The following EDA2R variants were observed in gnomAD, a reference collection of about 807,000 sequenced individuals.
The protein encoded by EDA2R is ectodysplasin A2 receptor.
Under a neutral mutation model 20.1 loss-of-function variants are expected in EDA2R, and 26 were observed. That is an observed-to-expected ratio of 1.30 (90% CI 0.95 to 1.80). The LOEUF (loss-of-function observed/expected upper bound fraction) is 1.80, where lower values mean the gene tolerates loss of function less well. Ranked by LOEUF, EDA2R falls within the 40% of genes most tolerant of loss-of-function variation. The pLI, the probability that EDA2R is intolerant of heterozygous loss-of-function variation, is 0.00. For synonymous variants in EDA2R, 114 were observed against 88.7 expected, an observed-to-expected ratio of 1.29 and a Z score of -1.60; for missense variants, 277 against 228.7, an observed-to-expected ratio of 1.21 and a Z score of -1.36.
At chrX:66,610,806 G>A (rs1267686411) in intron 2 of EDA2R, among the ~76,000 whole-genome samples, 1 of 111,308 alleles carries the variant, frequency 9.0e-6, no homozygotes, top group Non-Finnish European at 1.9e-5. Context: ...GTTGGCCTGA[G>A]AAGCCTCTTC....
chrX:66,627,556 A>G (rs769995813), intron 1 of EDA2R, among the ~76,000 whole-genome samples: 7 of 112,619 alleles, frequency 6.2e-5, no homozygotes, highest in Admixed American at 1.9e-4. Flanking sequence ...ATCATCATAC[A>G]AGTCCTTGTC....
chrX:66,628,328 A>T (rs1054579781), intron 1 of EDA2R, among the ~76,000 whole-genome samples: 16 of 110,858 alleles, frequency 1.4e-4, no homozygotes, highest in African/African-American at 5.3e-4. Context: ...GAAATAACCA[A>T]GATCAGAGCA....
chrX:66,598,464 T>C (rs1054122424), intron 6 of EDA2R, among the ~76,000 whole-genome samples: 1 of 111,464 alleles, frequency 9.0e-6, no homozygotes, highest in East Asian at 2.8e-4. Flanking sequence ...CTTTCTTACA[T>C]TGAGCTCAAA....
intron 2 of EDA2R, among the ~76,000 whole-genome samples, chrX:66,606,012 T>C (rs922791032): frequency 8.9e-6 from 1 of 111,740 alleles, no homozygotes; most frequent in Admixed American, 9.5e-5. Context: ...GTACTAACTT[T>C]GGCCATATTC....
At chrX:66,601,844 T>A (rs781774478) in intron 5 of EDA2R, among the ~76,000 whole-genome samples, 1 of 111,608 alleles carries the variant, frequency 9.0e-6, no homozygotes, top group East Asian at 2.8e-4. Flanking sequence ...CTCCCCCATC[T>A]TTGTCCTCAG....
At chrX:66,599,188 T>C (rs185775333) in intron 6 of EDA2R, among the ~76,000 whole-genome samples, 148 of 111,639 alleles carry the variant, frequency 1.3e-3, no homozygotes, top group African/African-American at 4.6e-3. Flanking sequence ...AATATGACCA[T>C]TAGATAGTGG....
chrX:66,599,527 T>C lies in EDA2R; in HGVS notation c.851A>G (p.Asp284Gly). 8.5e-7 allele frequency: 1 copy of C among 1,179,549 alleles called. No homozygotes were observed. The highest frequency in any genetic ancestry group is 1.1e-6 in the Non-Finnish European group (1 of 876,547). Reference sequence around the variant, plus strand: ...AAAGGGCACATTGAGCTCCAGCCTGTCTCCAGTGCTTTCGACTGTGTTTCC... The same window carrying C: ...AAAGGGCACATTGAGCTCCAGCCTGCCTCCAGTGCTTTCGACTGTGTTTCC... ...LGGNTVESTG[D>G]RLELNVPFEV... is the part of the protein sequence containing the mutation. Residue 284 changes from aspartate to glycine, a missense_variant, in exon 6 of 7, where the codon GAC becomes GGC. Asp to Gly is a moderately conservative substitution (Grantham distance 94). Transcript: ENST00000374719.
chrX:66,607,607 C>T (rs988111576), intron 2 of EDA2R, among the ~76,000 whole-genome samples: 3 of 110,524 alleles, frequency 2.7e-5, no homozygotes, highest in African/African-American at 9.9e-5. Context: ...GAGCAATACC[C>T]AGTCCCAAAC....
At chrX:66,604,817 C>CA (rs1017934585) in intron 3 of EDA2R, among the ~76,000 whole-genome samples, 9 of 112,083 alleles carry the variant, frequency 8.0e-5, no homozygotes, top group African/African-American at 2.9e-4. Context: ...CTTTGGTCTT[C>CA]AGCTGAGAGT....
chrX:66,620,516 C>T (rs1259325647), intron 1 of EDA2R, among the ~76,000 whole-genome samples: 1 of 111,310 alleles, frequency 9.0e-6, no homozygotes, highest in African/African-American at 3.3e-5. Context: ...TACAAGAAAA[C>T]ATAATAATTC....
In EDA2R at chrX:66,624,289, T is replaced by G. The variant is rs1403702169; in HGVS notation, c.-10-8259A>C. 4.5e-5 allele frequency among the ~76,000 whole-genome samples: 5 copies of G among 111,524 alleles called. No homozygotes were observed. The Admixed American group carries it at 4.7e-4, about 11-fold the overall frequency. Reference sequence around the variant, plus strand: ...ATACCGGCCCTTTCAGAGGCCTAGATGGGTAGATCACATGAGGTCAGGAGT... The same window carrying G: ...ATACCGGCCCTTTCAGAGGCCTAGAGGGGTAGATCACATGAGGTCAGGAGT... On this transcript the variant is annotated intron_variant, in intron 1 of 6. Coordinates refer to ENST00000374719, the MANE Select transcript of EDA2R (RefSeq NM_021783.5).
At chrX:66,606,929 C>A (rs1929791348) in intron 2 of EDA2R, among the ~76,000 whole-genome samples, 1 of 112,468 alleles carries the variant, frequency 8.9e-6, no homozygotes, top group Non-Finnish European at 1.9e-5. Context: ...AAGTGATGGG[C>A]ACTGTTTCAA....
chrX:66,634,995 G>C (rs1370192420), intron 1 of EDA2R, among the ~76,000 whole-genome samples: 3 of 112,051 alleles, frequency 2.7e-5, no homozygotes, highest in Non-Finnish European at 5.6e-5. Flanking sequence ...ACATCTCAGT[G>C]TCTGATTCCA....
rs769082256 is a variant in EDA2R, at chrX:66,602,777, C to T, written c.373G>A (p.Val125Met). 1 of 1,189,821 alleles carries T rather than the reference C, an allele frequency of 8.4e-7. No individual in the cohort carries two copies. The highest frequency in any genetic ancestry group is 2.3e-5 in the Admixed American group (1 of 42,991). ...GGCACTGTGGGTGTATCTGCCTCCA[C>T]TAAGCTCAACTGGAAGGCACCTGTG... ...EVQCAFQLSLVEADTPTVPPQ... is the reference protein window; with the variant it reads ...EVQCAFQLSLMEADTPTVPPQ... The change falls in exon 5 of 7, where the codon GTG becomes ATG. Residue 125 changes from valine (V) to methionine (M), a missense_variant. Physicochemically the swap from Val to Met is conservative, Grantham distance 21. Transcript: ENST00000374719.
chrX:66,623,460 T>G (rs1277723850), intron 1 of EDA2R, among the ~76,000 whole-genome samples: 2 of 111,849 alleles, frequency 1.8e-5, no homozygotes, highest in Non-Finnish European at 3.8e-5. Flanking sequence ...TACACAGTTT[T>G]GGATATAACT....
At chrX:66,604,376 C>A in intron 4 of EDA2R, 45 bp downstream of exon 4, 2 of 1,154,240 alleles carry the variant, frequency 1.7e-6, no homozygotes, top group Non-Finnish European at 2.3e-6. Context: ...CTTGCTGCCA[C>A]CCAATGGGAT....
At chrX:66,600,111 C>G (rs987611410) in intron 5 of EDA2R, 1 of 1,134,210 alleles carries the variant, frequency 8.8e-7, no homozygotes, top group Non-Finnish European at 1.2e-6. Flanking sequence ...GAAAAAGAAA[C>G]CTTTGTGGGA....
In EDA2R at chrX:66,628,559, A is replaced by G. The variant is rs1182228539; in HGVS notation, c.-11+10436T>C. Reference sequence around the variant, plus strand: ...AAGGTCATTTCAGGCTACTATGAACATCATTACACACATAAAGTAGAAAAC... The same window carrying G: ...AAGGTCATTTCAGGCTACTATGAACGTCATTACACACATAAAGTAGAAAAC... On this transcript the variant is annotated intron_variant, in intron 1 of 6. Transcript: ENST00000374719. 3.6e-5 allele frequency among the ~76,000 whole-genome samples: 4 copies of G among 110,960 alleles called. No individual in the cohort carries two copies. The East Asian group carries it at 1.1e-3, about 31-fold the overall frequency.
Position 66,602,675 on chromosome X carries a change from A to G in EDA2R, c.475T>C (p.Phe159Leu), listed in dbSNP as rs149166760. Residue 159 changes from phenylalanine (F) to leucine (L), a missense_variant, in exon 5 of 7, where the codon TTC becomes CTC. Coordinates refer to ENST00000374719, the MANE Select transcript of EDA2R (RefSeq NM_021783.5). ...VFTLAFLGLF[F>L]LYCKQFFNRH... ...TTGAAGAACTGCTTGCAGTAGAGGA[A>G]GAAGAGCCCCAGGAAGGCCAGGGTA... 8.3e-7 allele frequency: 1 copy of G among 1,202,365 alleles called. No homozygotes were observed. The highest frequency in any genetic ancestry group is 1.1e-6 in the Non-Finnish European group (1 of 890,515).
Sources: allele counts gnomAD v4.1 joint callset (sites outside exome capture counted in the v4.1 genomes callset), GRCh38; gene constraint gnomAD v4.1.1; transcripts MANE v1.5; gene names NCBI Gene and HGNC (gene_info 2026-07-23, HGNC 2026-07-21).